Variants in BCAM observed in about 807,000 individuals in gnomAD.
BCAM encodes the protein basal cell adhesion molecule (Lutheran blood group).
In BCAM, 61 loss-of-function variants were observed where a neutral mutation model predicts 72.4. The observed-to-expected ratio is 0.84, with a 90% CI of 0.69 to 1.04. The LOEUF (loss-of-function observed/expected upper bound fraction) is 1.04. BCAM is among the 50% of genes least tolerant of loss of function. The pLI is 0.00. For synonymous variants in BCAM, 408 were observed against 384.2 expected, an observed-to-expected ratio of 1.06 and a Z score of -0.73; for missense variants, 909 against 895.0, an observed-to-expected ratio of 1.02 and a Z score of -0.20.
rs1968469680 is a variant in BCAM, at chr19:44,814,136, C to T, written c.785-16C>T. On this transcript the variant is annotated splice_polypyrimidine_tract_variant and intron_variant, in intron 6 of 14. Transcript: ENST00000270233. The surrounding 1 kb of genome is among the most constrained non-coding windows in gnomAD (Gnocchi z 4.6). The stretch of plus-strand genomic sequence containing the variant: ...TTCCCCTGATCACAATTCCCATCTC[C>T]CTGCCCTTCCCTTAGATCCCACGGA... 2 of 1,573,058 alleles carry T rather than the reference C, an allele frequency of 1.3e-6. No individual in the cohort carries two copies. The highest frequency in any genetic ancestry group is 1.4e-5 in the African/African-American group (1 of 73,908).
chr19:44,818,748 C>T lies in BCAM; in HGVS notation c.1202C>T (p.Thr401Ile). Reference sequence around the variant, plus strand: ...CTCCTCTGCCCTTCCCAGGACTCCACTCCCCTGGGCGATGGCCCCATGCTG... The same window carrying T: ...CTCCTCTGCCCTTCCCAGGACTCCATTCCCCTGGGCGATGGCCCCATGCTG... The part of the protein sequence containing the change: ...TPALRWTKDS[T>I]PLGDGPMLSL... The change falls in exon 10 of 15, where the codon ACT becomes ATT. Residue 401 changes from threonine to isoleucine, a missense_variant. By Grantham distance (89) the Thr-to-Ile change is moderately conservative (BLOSUM62 -1). Coordinates refer to ENST00000270233, the MANE Select transcript of BCAM (RefSeq NM_005581.5). This position sits in a 1 kb window ranked among gnomAD's most constrained non-coding sequence, Gnocchi z 4.6. 6.2e-7 allele frequency: 1 copy of T among 1,614,086 alleles called. No individual in the cohort carries two copies. The highest frequency in any genetic ancestry group is 8.5e-7 in the Non-Finnish European group (1 of 1,179,972).
At chr19:44,819,283 C>A in intron 11 of BCAM, 63 bp from the exon 12 acceptor site, 1 of 1,610,516 alleles carries the variant, frequency 6.2e-7, no homozygotes, top group Non-Finnish European at 8.5e-7. Flanking sequence ...GGACGTCGTT[C>A]ACCTCTGCCC....
At chr19:44,819,311 C>G in intron 11 of BCAM, 35 bp from the exon 12 acceptor site, 1 of 1,613,352 alleles carries the variant, frequency 6.2e-7, no homozygotes, top group Non-Finnish European at 8.5e-7. Flanking sequence ...CACCCCTTGA[C>G]CCCACCAGCC....
At position 44,820,961 on chromosome 19, in the gene BCAM, G is replaced by A. The variant is rs1461017493; in HGVS notation, c.*40G>A. On this transcript the variant is annotated 3_prime_UTR_variant, in exon 15 of 15. Coordinates refer to ENST00000270233, the MANE Select transcript of BCAM (RefSeq NM_005581.5). ...AGAGGCTGTCCCTGGACCTGGAGCT[G>A]CAGGCATCAGAGAACCAGCCCTGCT... The A allele has an allele frequency of 1.3e-6, 2 of 1,535,902 alleles. No homozygotes were observed. Among genetic ancestry groups the A allele is most frequent in the Admixed American group, 2.0e-5 (1 of 48,928 alleles).
chr19:44,820,883 G>A (rs550021476), intron 14 of BCAM, 33 bp from the exon 15 acceptor site: 2 of 1,556,340 alleles, frequency 1.3e-6, no homozygotes, highest in East Asian at 4.8e-5. Context: ...GCACGCCCGT[G>A]GGCACAGGCT....
At chr19:44,809,867 T>TG (rs1555782494) in intron 1 of BCAM, among the ~76,000 whole-genome samples, 1 of 790 alleles carries the variant, frequency 1.3e-3, no homozygotes, top group East Asian at 0.038. Context: ...GGCCGGGGGC[T>TG]GGGGGGTGGG....
Position 44,809,174 on chromosome 19 carries a change from T to G in BCAM, c.50T>G (p.Leu17Arg). 1.4e-6 allele frequency: 2 copies of G among 1,473,404 alleles called. No homozygotes were observed. Among genetic ancestry groups the G allele is most frequent in the Non-Finnish European group, 9.0e-7 (1 of 1,114,416 alleles). 91.3% of individuals were successfully genotyped at this position (1,473,404 alleles called of 1,614,324 possible). A position where few individuals can be genotyped will look rare whatever the true frequency, so the allele number is the denominator to read the frequency against. ...CAGGCGCGCGGGGCCCCGCGGCTGC[T>G]GTTGCTCGCAGTCCTGCTGGCGGCG... Reference protein sequence around the residue: ...PAQARGAPRLLLLAVLLAAHP... With the variant: ...PAQARGAPRLRLLAVLLAAHP... Residue 17 changes from leucine (L) to arginine (R), a missense_variant, in exon 1 of 15, where the codon CTG (leucine) becomes CGG (arginine). Leu to Arg is a moderately radical substitution (Grantham distance 102). Coordinates refer to ENST00000270233, the MANE Select transcript of BCAM (RefSeq NM_005581.5).
intron 1 of BCAM, among the ~76,000 whole-genome samples, chr19:44,810,758 G>C (rs1400864883): frequency 6.6e-6 from 1 of 152,234 alleles, no homozygotes; most frequent in African/African-American, 2.4e-5. Flanking sequence ...GGCTGGTGCA[G>C]TATTACCCCA....
Position 44,812,254 on chromosome 19 carries a change from G to T in BCAM, c.296G>T (p.Ser99Ile), listed in dbSNP as rs1386680329. 6.2e-7 allele frequency: 1 copy of T among 1,608,812 alleles called. No homozygotes were observed. The highest frequency in any genetic ancestry group is 1.1e-5 in the South Asian group (1 of 90,860). ...QVTMHDTRGR[S>I]PPYQLDSQGR... is the part of the protein sequence containing the mutation. ...ACAATGCACGACACCCGGGGCCGCA[G>T]TCCCCCATACCAGCTGGACTCCCAG... Residue 99 changes from serine (S) to isoleucine (I), a missense_variant, in exon 3 of 15, where the codon AGT (serine) becomes ATT (isoleucine). Transcript: ENST00000270233. This position sits in a 1 kb window ranked among gnomAD's most constrained non-coding sequence, Gnocchi z 5.3.
chr19:44,819,640 C>T lies in BCAM; in HGVS notation c.1677C>T (p.Gly559=). Residue 559 remains glycine, a synonymous_variant, in exon 13 of 15, where the codon GGC becomes GGT. Transcript: ENST00000270233. ...TCATGGCCGTGGCCGTCAGCGTGGG[C>T]CTCCTGCTCCTCGTCGTTGCTGTCT... The part of the protein sequence containing the change: ...VAVMAVAVSV[G]LLLLVVAVFY... The T allele has an allele frequency of 1.2e-6, 2 of 1,613,634 alleles. No homozygotes were observed. The highest frequency in any genetic ancestry group is 1.7e-6 in the Non-Finnish European group (2 of 1,179,772).
chr19:44,811,483 T>C, intron 2 of BCAM, 137 bp downstream of exon 2: 2 of 1,443,886 alleles, frequency 1.4e-6, no homozygotes, highest in Non-Finnish European at 1.9e-6. Context: ...TGAGTCCCAC[T>C]GAGGGGAAGG....
chr19:44,812,136 A>T lies in BCAM; in HGVS notation c.205-27A>T. ...GACTGAGGAGCGCTGGGACACCCGG[A>T]GCTGAGAGCCTGCCCCGCGCCCACA... On this transcript the variant is annotated intron_variant, in intron 2 of 14. Transcript: ENST00000270233. This position sits in a 1 kb window ranked among gnomAD's most constrained non-coding sequence, Gnocchi z 5.3. 1 of 1,570,300 alleles carries T rather than the reference A, an allele frequency of 6.4e-7. No homozygotes were observed. Among genetic ancestry groups the T allele is most frequent in the Non-Finnish European group, 8.6e-7 (1 of 1,162,540 alleles).
chr19:44,812,966 A>AAT lies in BCAM; in HGVS notation c.505-284_505-283insAT. ...CTCCGTCTCAAAAAAAAAAAAAAAAAGAAGAAGAAAAGAAAAAAGAAAGGA... is the reference window on the plus strand; with the variant it reads ...CTCCGTCTCAAAAAAAAAAAAAAAAAATGAAGAAGAAAAGAAAAAAGAAAGGA... On this transcript the variant is annotated intron_variant, in intron 4 of 14. Transcript: ENST00000270233. The surrounding 1 kb of genome is among the most constrained non-coding windows in gnomAD (Gnocchi z 5.3). The AAT allele has an allele frequency of 2.8e-6, 1 of 352,106 alleles. No homozygotes were observed. Among genetic ancestry groups the AAT allele is most frequent in the Non-Finnish European group, 4.7e-6 (1 of 211,658 alleles). The allele number at this position is 352,106 out of a possible 1,614,324, so 21.8% of individuals were successfully genotyped here.
intron 11 of BCAM, 49 bp downstream of exon 11, chr19:44,819,241 A>G: frequency 1.2e-6 from 2 of 1,611,826 alleles, no homozygotes; most frequent in Non-Finnish European, 1.7e-6. Context: ...TCATCCAAGT[A>G]TCACACCCTC....
chr19:44,819,997 A>C, intron 13 of BCAM: 1 of 1,309,914 alleles, frequency 7.6e-7, no homozygotes, highest in Non-Finnish European at 9.7e-7. Context: ...GCCAAACTCA[A>C]CACCATCCCC....
intron 13 of BCAM, chr19:44,820,408 C>T: frequency 8.5e-7 from 1 of 1,176,436 alleles, no homozygotes. Flanking sequence ...TGTCTCCAGC[C>T]CCAACCACAT....
Position 44,814,748 on chromosome 19 carries a change from C to T in BCAM, c.1066C>T (p.Leu356=). Residue 356 remains leucine, a synonymous_variant, in exon 8 of 15, where the codon CTG becomes TTG. Transcript: ENST00000270233. This position sits in a 1 kb window ranked among gnomAD's most constrained non-coding sequence, Gnocchi z 4.6. ...CGTGCAGCTCTCCAAGACGCTGGAG[C>T]TGCGCGTGGCCTGTGAGAGCCCTGG... ...DDVQLSKTLE[L]RVAYLDPLEL... The T allele has an allele frequency of 6.2e-7, 1 of 1,612,172 alleles. No individual in the cohort carries two copies. Among genetic ancestry groups the T allele is most frequent in the Non-Finnish European group, 8.5e-7 (1 of 1,179,554 alleles).
At chr19:44,809,084 C>G (rs1359715957), upstream of BCAM, 7 of 1,329,876 alleles carry the variant, frequency 5.3e-6, no homozygotes, top group East Asian at 1.3e-4. Flanking sequence ...CCGCAGCGGC[C>G]GAGCTGCAGC....
intron 1 of BCAM, 124 bp from the exon 2 acceptor site, chr19:44,811,101 G>C: frequency 2.1e-6 from 3 of 1,433,112 alleles, no homozygotes; most frequent in Non-Finnish European, 1.9e-6. Context: ...CTGGCACCTG[G>C]ACTCCTGGGT....
Sources: gnomAD v4.1 joint callset for allele counts (sites outside exome capture counted in the v4.1 genomes callset) on GRCh38, gnomAD v4.1.1 for gene constraint, Gnocchi (gnomAD v3.1) non-coding constraint, MANE v1.5 for transcripts, NCBI Gene and HGNC (gene_info 2026-07-23, HGNC 2026-07-21) for gene names.